Variants in SOX5 observed in about 807,000 individuals in gnomAD.
SOX5 encodes transcription factor SOX-5.
SOX5 carries 9 observed loss-of-function variants against 92.0 expected under a neutral mutation model. The observed-to-expected ratio is 0.10, with a 90% confidence interval of 0.06 to 0.17. The LOEUF is 0.17. Among genes scored for constraint, SOX5 ranks in the 10% least tolerant of loss-of-function variants. The pLI is 1.00. For synonymous variants in SOX5, 344 were observed against 336.3 expected (o/e 1.02, Z -0.25); for missense variants, 642 against 944.5 (o/e 0.68, Z 4.20).
At chr12:23,931,012 C>A (rs1941287635) in intron 1 of SOX5, among the ~76,000 whole-genome samples, 2 of 151,736 alleles carry the variant, frequency 1.3e-5, no homozygotes, top group Admixed American at 6.6e-5. Context: ...TCTCTCCCAC[C>A]AAACCATAAG....
At chr12:23,782,823 T>C (rs1347396700) in intron 3 of SOX5, among the ~76,000 whole-genome samples, 4 of 152,180 alleles carry the variant, frequency 2.6e-5, no homozygotes, top group Admixed American at 6.5e-5. Flanking sequence ...TTAAATAGTT[T>C]AGTCTCCTGA....
chr12:24,561,012 C>T (rs530945091), intron 1 of SOX5, among the ~76,000 whole-genome samples: 2 of 152,362 alleles, frequency 1.3e-5, no homozygotes, highest in East Asian at 3.9e-4. Context: ...CCAAATCCCA[C>T]AGATTTCCCT....
rs555332776 is a variant in SOX5, at chr12:24,529,912, C to T, written c.-251+32417G>A. 4.7e-5 allele frequency among the ~76,000 whole-genome samples: 7 copies of T among 148,976 alleles called. 1 individual carries two copies. In the Admixed American group the frequency reaches 4.8e-4, roughly 10 times the overall value. On this transcript the variant is annotated intron_variant, in intron 1 of 4. Transcript: ENST00000446891. The stretch of plus-strand genomic sequence containing the variant: ...GCGGGCGCCTGTAGTCCCAGCTACT[C>T]GGGAGGCTGAGGCAGGAGAATGGCG...
At chr12:23,696,134 T>C (rs1326184587) in intron 6 of SOX5, among the ~76,000 whole-genome samples, 2 of 152,010 alleles carry the variant, frequency 1.3e-5, no homozygotes, top group Admixed American at 6.6e-5. Flanking sequence ...CATACCTTCA[T>C]GTGGTTTTGG....
At chr12:24,334,187 A>C (rs1164578531) in intron 2 of SOX5, among the ~76,000 whole-genome samples, 2 of 152,012 alleles carry the variant, frequency 1.3e-5, no homozygotes, top group Admixed American at 6.6e-5. Flanking sequence ...GGTATATGTG[A>C]TTAGTTATAT....
At chr12:24,168,003 G>T (rs1466794845) in intron 4 of SOX5, among the ~76,000 whole-genome samples, 1 of 152,164 alleles carries the variant, frequency 6.6e-6, no homozygotes, top group African/African-American at 2.4e-5. Flanking sequence ...GATGTTCCTT[G>T]TTTTGGCATC....
intron 4 of SOX5, among the ~76,000 whole-genome samples, chr12:24,139,880 A>G (rs1055254558): frequency 6.6e-6 from 1 of 152,156 alleles, no homozygotes; most frequent in Admixed American, 6.6e-5. Context: ...CTCTGCCTGG[A>G]TAAGATGATA....
At chr12:24,551,529 G>A (rs925727166) in intron 1 of SOX5, among the ~76,000 whole-genome samples, 20 of 152,156 alleles carry the variant, frequency 1.3e-4, no homozygotes, top group African/African-American at 4.1e-4. Context: ...ATGTGGAAGC[G>A]CTGTCGTTTG....
rs1045403081 is a variant in SOX5 at position 24,007,144 on chromosome 12, T to A, written c.-1-111120A>T. Among the ~76,000 whole-genome samples, 458 of 70,374 alleles carry A rather than the reference T, an allele frequency of 6.5e-3. 30 individuals carry two copies. The highest frequency in any genetic ancestry group is 0.017 in the Middle Eastern group (2 of 120). The allele number at this position is 70,374 out of a possible 152,430, so 46.2% of individuals were successfully genotyped here. A position where few individuals can be genotyped will look rare whatever the true frequency, so the allele number is the denominator to read the frequency against. ...CGAGACTCCATCTCAAAAAAAAATA[T>A]ATATATATATATATATACATTTATA... On this transcript the variant is annotated intron_variant, in intron 4 of 4. Transcript: ENST00000446891.
At chr12:24,053,406 A>C (rs908200532) in intron 4 of SOX5, among the ~76,000 whole-genome samples, 10 of 152,164 alleles carry the variant, frequency 6.6e-5, no homozygotes, top group Non-Finnish European at 1.2e-4. Flanking sequence ...CTGTGATTAT[A>C]GGCATGAGCT....
chr12:24,078,786 AG>A (rs1459237947), intron 4 of SOX5, among the ~76,000 whole-genome samples: 2 of 152,088 alleles, frequency 1.3e-5, no homozygotes, highest in East Asian at 3.8e-4. Flanking sequence ...AGGAACTACA[AG>A]GGTTTTCGAA....
chr12:23,593,595 G>A (rs1219215634), intron 9 of SOX5, among the ~76,000 whole-genome samples: 1 of 152,084 alleles, frequency 6.6e-6, no homozygotes, highest in Non-Finnish European at 1.5e-5. Context: ...TAAAACTGAT[G>A]TATTAGATCT....
chr12:24,077,688 G>A (rs77390704), intron 4 of SOX5, among the ~76,000 whole-genome samples: 6,618 of 149,854 alleles, frequency 0.044, 174 homozygotes, highest in Admixed American at 0.064. Flanking sequence ...AACTTCAAAA[G>A]TCCACACGAG....
chr12:23,711,179 G>A (rs1009460414), intron 6 of SOX5, among the ~76,000 whole-genome samples: 4 of 152,128 alleles, frequency 2.6e-5, no homozygotes, highest in African/African-American at 7.2e-5. Flanking sequence ...CATCGGCAAT[G>A]TGGCATATTA....
chr12:23,850,567 G>T (rs961050270), intron 2 of SOX5, among the ~76,000 whole-genome samples: 5 of 151,182 alleles, frequency 3.3e-5, no homozygotes, highest in Non-Finnish European at 7.4e-5. Flanking sequence ...CATCAAAAGA[G>T]GAAAAAAATA....
chr12:24,097,209 T>C (rs1945529467), intron 4 of SOX5, among the ~76,000 whole-genome samples: 1 of 152,170 alleles, frequency 6.6e-6, no homozygotes, highest in South Asian at 2.1e-4. Flanking sequence ...AAGTCCTTTG[T>C]CCATTTTTAA....
chr12:23,802,289 C>A (rs1594591640), intron 3 of SOX5, among the ~76,000 whole-genome samples: 2 of 151,966 alleles, frequency 1.3e-5, no homozygotes, highest in Admixed American at 6.6e-5. Flanking sequence ...ACCTTGTTAG[C>A]CAGGATGGTC....
At chr12:23,878,314 C>T (rs1044167286) in intron 2 of SOX5, among the ~76,000 whole-genome samples, 2 of 152,052 alleles carry the variant, frequency 1.3e-5, no homozygotes, top group African/African-American at 4.8e-5. Flanking sequence ...ACAGATAGTT[C>T]CAAATATTTC....
intron 1 of SOX5, among the ~76,000 whole-genome samples, chr12:24,452,250 A>G (rs1197777189): frequency 1.3e-5 from 2 of 152,218 alleles, no homozygotes; most frequent in African/African-American, 2.4e-5. Context: ...AATATTTGAC[A>G]TACATCTCTT....
Sources: gnomAD v4.1 joint callset for allele counts (sites outside exome capture counted in the v4.1 genomes callset) on GRCh38, gnomAD v4.1.1 for gene constraint, MANE v1.5 for transcripts, NCBI Gene and HGNC (gene_info 2026-07-23, HGNC 2026-07-21) for gene names.